ZNF286A: variants seen among roughly 807,000 people sequenced by gnomAD.
ZNF286A encodes zinc finger protein ZNF286.
Under a neutral mutation model 49.3 loss-of-function variants are expected in ZNF286A, and 34 were observed. The ratio of observed to expected loss-of-function variants is 0.69; its 90% CI spans 0.52 to 0.92. The LOEUF (loss-of-function observed/expected upper bound fraction) is 0.92. ZNF286A is among the 40% of genes least tolerant of loss of function. ZNF286A has a pLI of 0.00. For missense variants in ZNF286A, 462 were observed against 600.2 expected, an observed-to-expected ratio of 0.77 and a Z score of 2.41; for synonymous variants, 155 against 200.4, an observed-to-expected ratio of 0.77 and a Z score of 1.91.
rs1286052085 is a variant in ZNF286A at position 15,716,865 on chromosome 17, C to A, written c.1141C>A (p.Pro381Thr). The A allele has an allele frequency of 2.5e-6, 4 of 1,608,476 alleles. No individual in the cohort carries two copies. In the East Asian group the frequency reaches 8.9e-5, roughly 36 times the overall value. The change falls in exon 6 of 6, where the codon CCT (proline) becomes ACT (threonine). Residue 381 changes from proline (P) to threonine (T), a missense_variant. Physicochemically the swap from Pro to Thr is conservative, Grantham distance 38. This residue lies in a region of ZNF286A where 201 missense variants were observed against 311.3 expected (regional missense o/e 0.65). Transcript: ENST00000583566. ...TCAAAGAACTCATACTGGAGAGAAA[C>A]CTTATAAATGTCAAGAATGTGGGAA... ...KHQRTHTGEK[P>T]YKCQECGKAF...
chr17:15,713,660 G>C (rs1339939872), intron 5 of ZNF286A, among the ~76,000 whole-genome samples: 1 of 150,836 alleles, frequency 6.6e-6, no homozygotes, highest in East Asian at 1.9e-4. Flanking sequence ...GGACAATATT[G>C]GTTCACTAAG....
chr17:15,714,145 GT>G (rs1248704681), intron 5 of ZNF286A, among the ~76,000 whole-genome samples: 1 of 148,576 alleles, frequency 6.7e-6, no homozygotes, highest in Non-Finnish European at 1.5e-5. Context: ...TGAAATTAAT[GT>G]TTATGCTTCC....
rs201598582 is a variant in ZNF286A, at chr17:15,704,067, T to TTA, written c.127-2319_127-2318insAT. Among the ~76,000 whole-genome samples, 409 of 109,204 alleles carry TTA rather than the reference T, an allele frequency of 3.7e-3. 2 individuals carry two copies. The highest frequency in any genetic ancestry group is 0.013 in the African/African-American group (313 of 23,222). The allele number at this position is 109,204 out of a possible 152,430, so 71.6% of individuals were successfully genotyped here. ...AATAATTCTCTTATTATTATTATTA[T>TTA]TTTTTTTTTTTTGCTTTTCCAACTT... On this transcript the variant is annotated intron_variant, in intron 3 of 5. Coordinates refer to ENST00000583566, the MANE Select transcript of ZNF286A (RefSeq NM_001130842.2).
At chr17:15,705,869 A>T (rs1304211535) in intron 3 of ZNF286A, among the ~76,000 whole-genome samples, 1 of 152,198 alleles carries the variant, frequency 6.6e-6, no homozygotes, top group Non-Finnish European at 1.5e-5. Context: ...TTCCAATTTA[A>T]TGCTCTTTGC....
Position 15,720,173 on chromosome 17 carries a change from T to C in ZNF286A, c.*2883T>C, listed in dbSNP as rs550142956. The C allele has an allele frequency of 1.4e-4, 21 of 152,174 alleles. No homozygotes were observed. Among genetic ancestry groups the C allele is most frequent in the Non-Finnish European group, 3.1e-4 (21 of 68,022 alleles). The allele number at this position is 152,174 out of a possible 1,614,324, so 9.4% of individuals were successfully genotyped here. On this transcript the variant is annotated 3_prime_UTR_variant, in exon 6 of 6. Transcript: ENST00000583566. Reference sequence around the variant, plus strand: ...AGGTTTCAACAAAGGGAATAAATCATTGGCTTCTCATGAGGTTGTCATAAG... The same window carrying C: ...AGGTTTCAACAAAGGGAATAAATCACTGGCTTCTCATGAGGTTGTCATAAG...
chr17:15,706,530 G>A, intron 4 of ZNF286A, 29 bp downstream of exon 4: 2 of 1,479,156 alleles, frequency 1.4e-6, no homozygotes, highest in Non-Finnish European at 1.8e-6. Flanking sequence ...TCTGGAATCT[G>A]CTTATAGGAG....
rs188012109 is a variant in ZNF286A, at chr17:15,719,644, T to C, written c.*2354T>C. ...TGAGAGCTCCACCCTCACGACCTAATCACCTCCAAAAGGCCCCATTTCGTA... is the reference window on the plus strand; with the variant it reads ...TGAGAGCTCCACCCTCACGACCTAACCACCTCCAAAAGGCCCCATTTCGTA... On this transcript the variant is annotated 3_prime_UTR_variant, in exon 6 of 6. Coordinates refer to ENST00000583566, the MANE Select transcript of ZNF286A (RefSeq NM_001130842.2). The C allele has an allele frequency of 6.6e-6, 1 of 152,252 alleles. No homozygotes were observed. Among genetic ancestry groups the C allele is most frequent in the Non-Finnish European group, 1.5e-5 (1 of 68,060 alleles). 9.4% of individuals were successfully genotyped at this position (152,252 alleles called of 1,614,324 possible).
chr17:15,706,457 A>G lies in ZNF286A; in HGVS notation c.197A>G (p.Gln66Arg), dbSNP rs1417747264. ...GAGTGGGGGAAGCTGGATCCTGCAC[A>G]AAGGGATGTGATGCTGGAGAACTAT... ...PEEWGKLDPAQRDVMLENYRN... is the reference protein window; with the variant it reads ...PEEWGKLDPARRDVMLENYRN... The change falls in exon 4 of 6, where the codon CAA becomes CGA. Residue 66 changes from glutamine to arginine, a missense_variant. Physicochemically the swap from Gln to Arg is conservative, Grantham distance 43. This residue lies in a region of ZNF286A where 259 missense variants were observed against 272.2 expected (regional missense o/e 0.95). Coordinates refer to ENST00000583566, the MANE Select transcript of ZNF286A (RefSeq NM_001130842.2). 6.2e-7 allele frequency: 1 copy of G among 1,613,540 alleles called. No individual in the cohort carries two copies. Among genetic ancestry groups the G allele is most frequent in the East Asian group, 2.2e-5 (1 of 44,840 alleles).
At chr17:15,704,930 C>T (rs1990100053) in intron 3 of ZNF286A, 7 of 1,563,786 alleles carry the variant, frequency 4.5e-6, no homozygotes, top group African/African-American at 1.4e-5. Context: ...CGGGTCCCCC[C>T]GGCCCCCTTC....
intron 5 of ZNF286A, among the ~76,000 whole-genome samples, chr17:15,715,034 T>G (rs55657306): frequency 0.022 from 3,283 of 152,178 alleles, 54 homozygotes; most frequent in South Asian, 0.046. Flanking sequence ...TTTATTTCTT[T>G]GAACTACAGT....
chr17:15,712,431 G>T (rs567383485), intron 5 of ZNF286A, among the ~76,000 whole-genome samples: 74 of 152,288 alleles, frequency 4.9e-4, no homozygotes, highest in African/African-American at 1.7e-3. Flanking sequence ...GTTTGCTTAT[G>T]TCAAAGATAC....
In ZNF286A at chr17:15,719,490, C is replaced by T. The variant is rs1189389116; in HGVS notation, c.*2200C>T. 1.3e-5 allele frequency: 2 copies of T among 150,694 alleles called. No homozygotes were observed. 9.3% of individuals were successfully genotyped at this position (150,694 alleles called of 1,614,324 possible). A position where few individuals can be genotyped will look rare whatever the true frequency, so the allele number is the denominator to read the frequency against. On this transcript the variant is annotated 3_prime_UTR_variant, in exon 6 of 6. Transcript: ENST00000583566. ...GCTGGGAAGTCCAAGATCAAGGTGT[C>T]AACATATTTAGGGTCTAGGGAAGGT...
chr17:15,717,364 C>T lies in ZNF286A; in HGVS notation c.*74C>T, dbSNP rs928720195. 2.5e-5 allele frequency: 34 copies of T among 1,387,640 alleles called. 1 individual carries two copies. Among genetic ancestry groups the T allele is most frequent in the South Asian group, 1.5e-4 (10 of 66,742 alleles). 86.0% of individuals were successfully genotyped at this position (1,387,640 alleles called of 1,614,324 possible). On this transcript the variant is annotated 3_prime_UTR_variant, in exon 6 of 6. Coordinates refer to ENST00000583566, the MANE Select transcript of ZNF286A (RefSeq NM_001130842.2). ...AATACTTGAGTGTTTAGGTGGAAGG[C>T]GCATCCATAATATGCATGTGAGGAC...
In ZNF286A at chr17:15,716,792, T is replaced by C. The variant is rs1967083274; in HGVS notation, c.1068T>C (p.Cys356=). 2 of 1,613,838 alleles carry C rather than the reference T, an allele frequency of 1.2e-6. No homozygotes were observed. Among genetic ancestry groups the C allele is most frequent in the Admixed American group, 3.3e-5 (2 of 60,000 alleles). The change falls in exon 6 of 6, where the codon TGT becomes TGC. Residue 356 remains cysteine (C), a synonymous_variant. Transcript: ENST00000583566. ...LIHTGVKPYE[C]NECDKAFIHS... ...ATACTGGAGTGAAGCCTTATGAATG[T>C]AATGAATGTGATAAAGCTTTTATTC...
chr17:15,714,945 G>C (rs1305390587), intron 5 of ZNF286A, among the ~76,000 whole-genome samples: 3 of 151,920 alleles, frequency 2.0e-5, no homozygotes, highest in Non-Finnish European at 4.4e-5. Flanking sequence ...TTTGTTCACT[G>C]ACTGAAATAC....
In ZNF286A at chr17:15,717,465, T is replaced by C; in HGVS notation, c.*175T>C. 2.6e-6 allele frequency: 3 copies of C among 1,148,994 alleles called. No individual in the cohort carries two copies. In the South Asian group the frequency reaches 6.2e-5, roughly 24 times the overall value. The allele number at this position is 1,148,994 out of a possible 1,614,324, so 71.2% of individuals were successfully genotyped here. ...TAAGCAGGTTCTTTATGTCCGTTAATTTGATAATTATGAAATCTAGCCAGC... is the reference window on the plus strand; with the variant it reads ...TAAGCAGGTTCTTTATGTCCGTTAACTTGATAATTATGAAATCTAGCCAGC... On this transcript the variant is annotated 3_prime_UTR_variant, in exon 6 of 6. Coordinates refer to ENST00000583566, the MANE Select transcript of ZNF286A (RefSeq NM_001130842.2).
intron 5 of ZNF286A, among the ~76,000 whole-genome samples, chr17:15,712,032 C>A (rs181699067): frequency 6.6e-5 from 10 of 152,066 alleles, no homozygotes; most frequent in African/African-American, 2.2e-4. Context: ...CCACCACACC[C>A]GGCTAATTTT....
At position 15,706,377 on chromosome 17, in the gene ZNF286A, TA is replaced by T. The variant is rs747166402; in HGVS notation, c.127-9del. 1.2e-5 allele frequency: 20 copies of T among 1,609,750 alleles called. No individual in the cohort carries two copies. In the South Asian group the frequency reaches 2.2e-4, roughly 18 times the overall value. On this transcript the variant is annotated splice_polypyrimidine_tract_variant and intron_variant, in intron 3 of 5. Transcript: ENST00000583566. Reference sequence around the variant, plus strand: ...GGGAAAGATGTTGAAAAAAATATTTTATGTTTTAGGAAACAGTGACATTCAA... The same window carrying T: ...GGGAAAGATGTTGAAAAAAATATTTTTGTTTTAGGAAACAGTGACATTCAA...
rs1990393332 is a variant in ZNF286A, at chr17:15,708,299, A to G, written c.334+52A>G. 3 of 1,446,490 alleles carry G rather than the reference A, an allele frequency of 2.1e-6. No individual in the cohort carries two copies. In the South Asian group the frequency reaches 4.4e-5, roughly 21 times the overall value. 89.6% of individuals were successfully genotyped at this position (1,446,490 alleles called of 1,614,324 possible). ...TAAATGATAGCCCAGCAGGACAATG[A>G]AGAAATACTTTTCAGTGCTTAAGAA... On this transcript the variant is annotated intron_variant, in intron 5 of 5. Coordinates refer to ENST00000583566, the MANE Select transcript of ZNF286A (RefSeq NM_001130842.2).
Sources: gnomAD v4.1 joint callset for allele counts (sites outside exome capture counted in the v4.1 genomes callset) on GRCh38, gnomAD v4.1.1 for gene constraint, gnomAD v4.1.1 regional missense constraint, MANE v1.5 for transcripts, NCBI Gene and HGNC (gene_info 2026-07-23, HGNC 2026-07-21) for gene names.